TNFRSF1A: variants seen among roughly 807,000 people sequenced by gnomAD.
The protein encoded by TNFRSF1A is tumor necrosis factor receptor superfamily member 1A.
A neutral mutation model predicts 41.6 loss-of-function variants in TNFRSF1A; 9 were observed. The observed-to-expected ratio is 0.22, with a 90% CI of 0.13 to 0.38. The LOEUF (loss-of-function observed/expected upper bound fraction) is 0.38. Ranked by LOEUF, TNFRSF1A falls within the 10% of genes least tolerant of loss-of-function variation. TNFRSF1A has a pLI of 1.00. For missense variants in TNFRSF1A, 463 were observed against 591.5 expected, an observed-to-expected ratio of 0.78 and a Z score of 2.25; for synonymous variants, 254 against 248.6, an observed-to-expected ratio of 1.02 and a Z score of -0.21.
chr12:6,336,414 G>A (rs925482180), intron 1 of TNFRSF1A, among the ~76,000 whole-genome samples: 2 of 151,836 alleles, frequency 1.3e-5, no homozygotes, highest in Non-Finnish European at 2.9e-5. Context: ...AGCTCCTCAA[G>A]GGTCATGAGT....
Position 6,334,104 on chromosome 12 carries a change from G to A in TNFRSF1A, c.180C>T (p.Thr60=), listed in dbSNP as rs1385167130. The A allele has an allele frequency of 1.2e-6, 2 of 1,614,156 alleles. No individual in the cohort carries two copies. The highest frequency in any genetic ancestry group is 4.5e-5 in the East Asian group (2 of 44,878). ...ACTTGCCCCTACCTTTGTGGCACTT[G>A]GTACAGCAAATCGAATTATTTTGAG... ...IHPQNNSICC[T]KCHKGTYLYN... is the part of the protein sequence containing the mutation. Residue 60 remains threonine, a synonymous_variant, in exon 2 of 10, where the codon ACC becomes ACT. Transcript: ENST00000162749. This position sits in a 1 kb window ranked among gnomAD's most constrained non-coding sequence, Gnocchi z 5.1.
chr12:6,338,140 G>A (rs1476294074), intron 1 of TNFRSF1A, among the ~76,000 whole-genome samples: 1 of 152,110 alleles, frequency 6.6e-6, no homozygotes, highest in Non-Finnish European at 1.5e-5. Flanking sequence ...CTCTCCTCCA[G>A]CTTGGTAGGC....
At chr12:6,330,237 T>C (rs1437986512) in intron 8 of TNFRSF1A, 30 bp downstream of exon 8, 8 of 1,614,078 alleles carry the variant, frequency 5.0e-6, no homozygotes, top group Non-Finnish European at 5.1e-6. Context: ...GTCAGGGACA[T>C]TTGGGAGTAA....
rs543174095 is a variant in TNFRSF1A, at chr12:6,334,745, C to T, written c.40-501G>A. Among the ~76,000 whole-genome samples the T allele has an allele frequency of 5.9e-5, 9 of 152,248 alleles. No individual in the cohort carries two copies. Among genetic ancestry groups the T allele is most frequent in the Middle Eastern group, 3.4e-3 (1 of 294 alleles). ...AAAATCCTGGGCTCAAGTGATCCTC[C>T]CACCTTGGCTTCCCAAAGTGCTAGG... On this transcript the variant is annotated intron_variant, in intron 1 of 9. Coordinates refer to ENST00000162749, the MANE Select transcript of TNFRSF1A (RefSeq NM_001065.4). This position sits in a 1 kb window ranked among gnomAD's most constrained non-coding sequence, Gnocchi z 5.1.
Position 6,340,835 on chromosome 12 carries a change from G to A in TNFRSF1A, c.39+941C>T, listed in dbSNP as rs559572854. Among the ~76,000 whole-genome samples, 14 of 152,332 alleles carry A rather than the reference G, an allele frequency of 9.2e-5. No homozygotes were observed. In the South Asian group the frequency reaches 1.0e-3, roughly 11 times the overall value. ...AACAGGATGATTCCCGGACCAAGAC[G>A]TGGAGGACGATCAAGGATACATTGA... On this transcript the variant is annotated intron_variant, in intron 1 of 9. Transcript: ENST00000162749.
intron 5 of TNFRSF1A, among the ~76,000 whole-genome samples, chr12:6,332,735 G>C (rs551182314): frequency 1.3e-5 from 2 of 152,296 alleles, no homozygotes; most frequent in South Asian, 4.1e-4. Context: ...ATTCAACCAT[G>C]ATGAGTCACC....
rs1399104304 is a variant in TNFRSF1A, at chr12:6,329,798, T to C, written c.1037A>G (p.His346Arg). The part of the protein sequence containing the change: ...NPLQKWEDSA[H>R]KPQSLDTDDP... ...CTCACTGTCTAGGCTCTGTGGCTTGTGGGCGCTGTCCTCCCACTTCTGAAG... is the reference window on the plus strand; with the variant it reads ...CTCACTGTCTAGGCTCTGTGGCTTGCGGGCGCTGTCCTCCCACTTCTGAAG... Residue 346 changes from histidine to arginine, a missense_variant, in exon 9 of 10, where the codon CAC becomes CGC. This residue lies in a region of TNFRSF1A where 277 missense variants were observed against 288.8 expected (regional missense o/e 0.96). Coordinates refer to ENST00000162749, the MANE Select transcript of TNFRSF1A (RefSeq NM_001065.4). 4 of 1,602,164 alleles carry C rather than the reference T, an allele frequency of 2.5e-6. No homozygotes were observed. In the African/African-American group the frequency reaches 5.3e-5, roughly 21 times the overall value.
rs938868827 is a variant in TNFRSF1A at position 6,333,586 on chromosome 12, C to T, written c.323-70G>A. 41 of 1,607,908 alleles carry T rather than the reference C, an allele frequency of 2.5e-5. No homozygotes were observed. Among genetic ancestry groups the T allele is most frequent in the Admixed American group, 3.4e-5 (2 of 59,378 alleles). ...CCCTGCATCCCCTTCCTGACATACC[C>T]CTAAGTGTGTGTCTCTGTAATACAC... is the stretch of plus-strand genomic sequence containing the variant. On this transcript the variant is annotated intron_variant, in intron 3 of 9. Coordinates refer to ENST00000162749, the MANE Select transcript of TNFRSF1A (RefSeq NM_001065.4). The surrounding 1 kb of genome is among the most constrained non-coding windows in gnomAD (Gnocchi z 6.3).
intron 1 of TNFRSF1A, among the ~76,000 whole-genome samples, chr12:6,336,353 G>A (rs1178437174): frequency 6.6e-6 from 1 of 151,880 alleles, no homozygotes; most frequent in Non-Finnish European, 1.5e-5. Context: ...CAGTGACTCA[G>A]GCCAGAGGGA....
Position 6,333,352 on chromosome 12 carries a change from G to A in TNFRSF1A, c.472+15C>T, listed in dbSNP as rs746145597. On this transcript the variant is annotated intron_variant, in intron 4 of 9. Coordinates refer to ENST00000162749, the MANE Select transcript of TNFRSF1A (RefSeq NM_001065.4). This position sits in a 1 kb window ranked among gnomAD's most constrained non-coding sequence, Gnocchi z 6.3. ...GGGTGGGGAGAGGGCTTGGCCTCAG[G>A]AGAGCTGCGCTCACAGGAGAGGTGC... 1.1e-5 allele frequency: 17 copies of A among 1,612,484 alleles called. No individual in the cohort carries two copies. In the South Asian group the frequency reaches 1.9e-4, roughly 18 times the overall value.
At position 6,334,227 on chromosome 12, in the gene TNFRSF1A, C is replaced by T. The variant is rs1948090257; in HGVS notation, c.57G>A (p.Leu19=). ...TAACCCCTGAGGGGTATATTCCCAC[C>T]AACAGCTCCAGGAGCACCTGGGGAA... ...LLLPLVLLEL[L]VGIYPSGVIG... The change falls in exon 2 of 10, where the codon TTG becomes TTA. Residue 19 remains leucine (L), a synonymous_variant. Coordinates refer to ENST00000162749, the MANE Select transcript of TNFRSF1A (RefSeq NM_001065.4). This position sits in a 1 kb window ranked among gnomAD's most constrained non-coding sequence, Gnocchi z 5.1. 1 of 1,613,602 alleles carries T rather than the reference C, an allele frequency of 6.2e-7. No individual in the cohort carries two copies. Among genetic ancestry groups the T allele is most frequent in the Non-Finnish European group, 8.5e-7 (1 of 1,179,660 alleles).
rs1382851653 is a variant in TNFRSF1A at position 6,330,658 on chromosome 12, G to C, written c.679C>G (p.Leu227Val). The C allele has an allele frequency of 1.9e-6, 3 of 1,613,988 alleles. No homozygotes were observed. Among genetic ancestry groups the C allele is most frequent in the Non-Finnish European group, 2.5e-6 (3 of 1,179,886 alleles). ...CGATACATTAAACCAATGAAGAGGA[G>C]GGATAAAAGGCAAAGACCAAAGAAA... The part of the protein sequence containing the change: ...VIFFGLCLLS[L>V]LFIGLMYRYQ... The change falls in exon 7 of 10, where the codon CTC (leucine) becomes GTC (valine). Residue 227 changes from leucine (L) to valine (V), a missense_variant. By Grantham distance (32) the Leu-to-Val change is conservative (BLOSUM62 1). Transcript: ENST00000162749.
chr12:6,338,198 G>A (rs1592050954), intron 1 of TNFRSF1A, among the ~76,000 whole-genome samples: 1 of 152,068 alleles, frequency 6.6e-6, no homozygotes, highest in Non-Finnish European at 1.5e-5. Flanking sequence ...TGCCCCAGAC[G>A]GAATTCATCC....
In TNFRSF1A at chr12:6,334,292, G is replaced by A. The variant is rs759902943; in HGVS notation, c.40-48C>T. On this transcript the variant is annotated intron_variant, in intron 1 of 9. Transcript: ENST00000162749. This position sits in a 1 kb window ranked among gnomAD's most constrained non-coding sequence, Gnocchi z 5.1. ...AGACACCATCAAGAGAGGGAGGGAT[G>A]GGAAGCTTAGGGGTAGCAGATCTAA... The A allele has an allele frequency of 1.9e-6, 3 of 1,564,474 alleles. No individual in the cohort carries two copies. Among genetic ancestry groups the A allele is most frequent in the East Asian group, 2.3e-5 (1 of 44,432 alleles).
chr12:6,333,708 G>A lies in TNFRSF1A; in HGVS notation c.322+29C>T, dbSNP rs202146706. On this transcript the variant is annotated intron_variant, in intron 3 of 9. Coordinates refer to ENST00000162749, the MANE Select transcript of TNFRSF1A (RefSeq NM_001065.4). This position sits in a 1 kb window ranked among gnomAD's most constrained non-coding sequence, Gnocchi z 6.3. ...GGCACCCACACACCACTCAAGACCC[G>A]CCTGACTCTCCTGCCTGTGCACACT... The A allele has an allele frequency of 2.8e-5, 44 of 1,562,966 alleles. No homozygotes were observed. The highest frequency in any genetic ancestry group is 1.8e-4 in the African/African-American group (13 of 73,636).
At position 6,341,790 on chromosome 12, in the gene TNFRSF1A, G is replaced by A; in HGVS notation, c.25C>T (p.Leu9=). MGLSTVPD[L]LLPLVLLELL... ...CCTGGTCTCACCAGTGGCAGCAGCA[G>A]GTCAGGCACGGTGGAGAGGCCCATG... is the stretch of plus-strand genomic sequence containing the variant. The change falls in exon 1 of 10, where the codon CTG becomes TTG. Residue 9 remains leucine, a synonymous_variant. Coordinates refer to ENST00000162749, the MANE Select transcript of TNFRSF1A (RefSeq NM_001065.4). The surrounding 1 kb of genome is among the most constrained non-coding windows in gnomAD (Gnocchi z 4.6). 1 of 1,614,150 alleles carries A rather than the reference G, an allele frequency of 6.2e-7. No individual in the cohort carries two copies. Among genetic ancestry groups the A allele is most frequent in the Non-Finnish European group, 8.5e-7 (1 of 1,180,008 alleles).
At chr12:6,332,420 T>G (rs1948061902) in intron 5 of TNFRSF1A, among the ~76,000 whole-genome samples, 4 of 114,390 alleles carry the variant, frequency 3.5e-5, no homozygotes, top group Non-Finnish European at 5.0e-5. Flanking sequence ...GGTGACAGAG[T>G]GAAACCCTGT....
At chr12:6,329,699 T>G (rs1274593060) in intron 9 of TNFRSF1A, 77 bp from the exon 10 acceptor site, 1 of 1,529,934 alleles carries the variant, frequency 6.5e-7, no homozygotes, top group Non-Finnish European at 8.8e-7. Context: ...CCGCCTCTCG[T>G]GGTCCCCTCT....
rs1169955731 is a variant in TNFRSF1A at position 6,331,463 on chromosome 12, C to T, written c.552-537G>A. Reference sequence around the variant, plus strand: ...CTGACTTCGGGGAGTCGGGGTCAAACATGCATGTGAAAAATTTAAAAACAC... The same window carrying T: ...CTGACTTCGGGGAGTCGGGGTCAAATATGCATGTGAAAAATTTAAAAACAC... On this transcript the variant is annotated intron_variant, in intron 5 of 9. Transcript: ENST00000162749. 55 of 213,966 alleles carry T rather than the reference C, an allele frequency of 2.6e-4. No individual in the cohort carries two copies. In the South Asian group the frequency reaches 3.4e-3, roughly 13 times the overall value. 13.3% of individuals were successfully genotyped at this position (213,966 alleles called of 1,614,324 possible).
Sources: allele counts gnomAD v4.1 joint callset (sites outside exome capture counted in the v4.1 genomes callset), GRCh38; gene constraint gnomAD v4.1.1; regional missense constraint gnomAD v4.1.1; non-coding constraint Gnocchi (gnomAD v3.1); transcripts MANE v1.5; gene names NCBI Gene and HGNC (gene_info 2026-07-23, HGNC 2026-07-21).